Variants in INPP5F observed in about 807,000 individuals in gnomAD.
INPP5F encodes inositol polyphosphate-5-phosphatase F, also known as phosphatidylinositide 4-phosphatase SAC2.
A neutral mutation model predicts 137.2 loss-of-function variants in INPP5F; 97 were observed. That is an observed-to-expected ratio of 0.71 (90% CI 0.60 to 0.84). The LOEUF (loss-of-function observed/expected upper bound fraction) is 0.84, where lower values mean the gene tolerates loss of function less well. INPP5F is among the 40% of genes least tolerant of loss of function. The probability of loss-of-function intolerance (pLI) is 0.00; values close to 1 mark genes in which losing one functional copy is unlikely to be tolerated. For synonymous variants in INPP5F, 504 were observed against 476.9 expected (o/e 1.06, Z -0.74); for missense variants, 1,271 against 1,371.9 (o/e 0.93, Z 1.16).
chr10:119,796,470 A>T (rs1258491819), intron 6 of INPP5F, among the ~76,000 whole-genome samples: 2 of 152,236 alleles, frequency 1.3e-5, no homozygotes, highest in Admixed American at 6.5e-5. Flanking sequence ...GTGAGTTAAT[A>T]AATGGTGAGC....
chr10:119,808,147 C>A, intron 13 of INPP5F, 87 bp downstream of exon 13: 1 of 1,475,008 alleles, frequency 6.8e-7, no homozygotes, highest in South Asian at 1.3e-5. Flanking sequence ...TGTGTGGGTT[C>A]CAGATTGCAG....
At chr10:119,824,442 C>T (rs1851686076) in intron 19 of INPP5F, among the ~76,000 whole-genome samples, 1 of 152,028 alleles carries the variant, frequency 6.6e-6, no homozygotes, top group African/African-American at 2.4e-5. Flanking sequence ...GTGTTCTTTC[C>T]TGATGAAGCT....
At chr10:119,824,951 GA>G in intron 19 of INPP5F, among the ~76,000 whole-genome samples, 1 of 152,142 alleles carries the variant, frequency 6.6e-6, no homozygotes. Context: ...TGCCTCCTGT[GA>G]TCAGTTTGGA....
chr10:119,760,379 A>G (rs1225185177), intron 2 of INPP5F, among the ~76,000 whole-genome samples: 4 of 152,176 alleles, frequency 2.6e-5, no homozygotes, highest in Non-Finnish European at 4.4e-5. Context: ...GCTCGAGGCT[A>G]CAGTGTGCTA....
chr10:119,795,748 G>T (rs1261749888), intron 6 of INPP5F, among the ~76,000 whole-genome samples: 1 of 152,180 alleles, frequency 6.6e-6, no homozygotes, highest in African/African-American at 2.4e-5. Flanking sequence ...GGAGGTTGTA[G>T]CCAGCCGAGA....
intron 9 of INPP5F, among the ~76,000 whole-genome samples, chr10:119,803,816 T>C (rs1453727008): frequency 1.3e-5 from 2 of 152,210 alleles, no homozygotes; most frequent in African/African-American, 4.8e-5. Context: ...TTTTATCATG[T>C]TCAGTATTTA....
intron 18 of INPP5F, 132 bp from the exon 19 acceptor site, chr10:119,823,683 A>G (rs1289988341): frequency 3.3e-6 from 2 of 605,230 alleles, no homozygotes; most frequent in Non-Finnish European, 5.6e-6. Flanking sequence ...GCAGTTTTCT[A>G]TAAATCGAAG....
intron 9 of INPP5F, among the ~76,000 whole-genome samples, chr10:119,801,194 G>A (rs1300646324): frequency 6.6e-6 from 1 of 152,200 alleles, no homozygotes; most frequent in Non-Finnish European, 1.5e-5. Flanking sequence ...GAATGAGGTA[G>A]ATCCACGTGT....
At chr10:119,796,994 C>T in intron 7 of INPP5F, 81 bp downstream of exon 7, 8 of 1,292,396 alleles carry the variant, frequency 6.2e-6, no homozygotes, top group Non-Finnish European at 7.7e-6. Flanking sequence ...ATGCTAATGA[C>T]AATAATGGAT....
intron 1 of INPP5F, among the ~76,000 whole-genome samples, chr10:119,733,204 A>T (rs1057406550): frequency 2.0e-5 from 3 of 152,252 alleles, no homozygotes; most frequent in Non-Finnish European, 4.4e-5. Context: ...TTAAGGAAGG[A>T]TCTATGTAGA....
chr10:119,795,266 T>C (rs539974773), intron 6 of INPP5F, among the ~76,000 whole-genome samples: 6,972 of 145,808 alleles, frequency 0.048, 295 homozygotes, highest in South Asian at 0.26. Context: ...CTGACCCCCC[T>C]ACCTCCCTCG....
intron 15 of INPP5F, chr10:119,819,574 G>C: frequency 6.5e-7 from 1 of 1,544,490 alleles, no homozygotes; most frequent in Non-Finnish European, 8.8e-7. Flanking sequence ...ACATTTTACA[G>C]TGTTATTTGG....
intron 11 of INPP5F, 108 bp downstream of exon 11, chr10:119,805,569 G>A (rs973934199): frequency 6.5e-6 from 5 of 769,474 alleles, no homozygotes; most frequent in Non-Finnish European, 1.1e-5. Context: ...TTTTTTGTTC[G>A]TTTTGCTTCC....
intron 2 of INPP5F, among the ~76,000 whole-genome samples, chr10:119,757,825 A>G (rs1043594539): frequency 1.3e-5 from 2 of 152,144 alleles, no homozygotes; most frequent in Non-Finnish European, 2.9e-5. Context: ...TCATATCACA[A>G]TTGTAATTAC....
In INPP5F at chr10:119,791,456, C is replaced by T. The variant is rs1001582311; in HGVS notation, c.316-61C>T. On this transcript the variant is annotated intron_variant, in intron 3 of 19. Transcript: ENST00000650623. ...GCCTGAGCAGTAGCATTCACTTTTGCACTCGAACATTTAACAAACAGGTAT... is the reference window on the plus strand; with the variant it reads ...GCCTGAGCAGTAGCATTCACTTTTGTACTCGAACATTTAACAAACAGGTAT... 1.4e-5 allele frequency: 19 copies of T among 1,343,794 alleles called. No individual in the cohort carries two copies. The East Asian group carries it at 2.3e-4, about 16-fold the overall frequency. 83.2% of individuals were successfully genotyped at this position (1,343,794 alleles called of 1,614,324 possible).
In INPP5F at chr10:119,827,733, C is replaced by A; in HGVS notation, c.3352C>A (p.Leu1118Ile). The change falls in exon 20 of 20, where the codon CTT (leucine) becomes ATT (isoleucine). Residue 1118 changes from leucine (L) to isoleucine (I), a missense_variant. Coordinates refer to ENST00000650623, the MANE Select transcript of INPP5F (RefSeq NM_014937.4). Reference protein sequence around the residue: ...EIINQVQQNELKKMFIQCQTR... With the variant: ...EIINQVQQNEIKKMFIQCQTR... ...CATTAATCAAGTCCAGCAAAATGAACTTAAAAAGATGTTTATACAATGCCA... is the reference window on the plus strand; with the variant it reads ...CATTAATCAAGTCCAGCAAAATGAAATTAAAAAGATGTTTATACAATGCCA... The A allele has an allele frequency of 6.2e-7, 1 of 1,613,382 alleles. No homozygotes were observed. Among genetic ancestry groups the A allele is most frequent in the South Asian group, 1.1e-5 (1 of 90,948 alleles).
chr10:119,809,744 T>G (rs1564845328), intron 13 of INPP5F, among the ~76,000 whole-genome samples: 1 of 152,196 alleles, frequency 6.6e-6, no homozygotes. Context: ...AAACATCGGT[T>G]TTTGAATATT....
chr10:119,729,698 C>G (rs2134096266), intron 1 of INPP5F, among the ~76,000 whole-genome samples: 1 of 151,792 alleles, frequency 6.6e-6, no homozygotes, highest in East Asian at 1.9e-4. Context: ...CCACCTCAGT[C>G]CCCCAGGTAG....
chr10:119,781,514 A>T, intron 2 of INPP5F, 121 bp from the exon 3 acceptor site: 1 of 796,360 alleles, frequency 1.3e-6, no homozygotes, highest in Non-Finnish European at 1.8e-6. Context: ...GTTTTACTTT[A>T]AAAGTTTATT....
Sources: gnomAD v4.1 joint callset for allele counts (sites outside exome capture counted in the v4.1 genomes callset) on GRCh38, gnomAD v4.1.1 for gene constraint, MANE v1.5 for transcripts, NCBI Gene and HGNC (gene_info 2026-07-23, HGNC 2026-07-21) for gene names.